The following MSI2 variants were observed in gnomAD, a reference collection of about 807,000 sequenced individuals.
MSI2 encodes RNA-binding protein Musashi homolog 2.
In MSI2, 17 loss-of-function variants were observed where a neutral mutation model predicts 45.6. That is an observed-to-expected ratio of 0.37 (90% CI 0.26 to 0.56). MSI2 has a LOEUF of 0.56. MSI2 is among the 20% of genes least tolerant of loss of function. The pLI, the probability that MSI2 is intolerant of heterozygous loss-of-function variation, is 0.77. For missense variants in MSI2, 293 were observed against 444.2 expected (o/e 0.66, Z 3.06); for synonymous variants, 156 against 158.2 (o/e 0.99, Z 0.11).
intron 8 of MSI2, among the ~76,000 whole-genome samples, chr17:57,610,313 G>A (rs1054761953): frequency 4.6e-5 from 7 of 152,112 alleles, no homozygotes; most frequent in African/African-American, 9.7e-5. Flanking sequence ...TTAGCAGGGC[G>A]TGGTGGCGTG....
chr17:57,273,643 A>G (rs1467657828), intron 5 of MSI2, among the ~76,000 whole-genome samples: 3 of 152,176 alleles, frequency 2.0e-5, no homozygotes, highest in Non-Finnish European at 4.4e-5. Context: ...TTGGCAGGCC[A>G]TCGCCTTAGC....
At chr17:57,465,017 G>A (rs1396281625) in intron 6 of MSI2, among the ~76,000 whole-genome samples, 14 of 152,146 alleles carry the variant, frequency 9.2e-5, no homozygotes, top group Non-Finnish European at 2.9e-5. Flanking sequence ...AAATGCCCTC[G>A]TGTTGGGCCA....
chr17:57,599,597 C>G (rs918807904), intron 8 of MSI2, among the ~76,000 whole-genome samples: 1 of 152,160 alleles, frequency 6.6e-6, no homozygotes, highest in African/African-American at 2.4e-5. Flanking sequence ...TTGTGTTTGC[C>G]TTTGAATCTG....
chr17:57,582,764 T>C (rs2088238330), intron 7 of MSI2, among the ~76,000 whole-genome samples: 1 of 152,250 alleles, frequency 6.6e-6, no homozygotes, highest in African/African-American at 2.4e-5. Context: ...TAATCAAGTG[T>C]TGCATTTTTA....
chr17:57,625,287 T>G (rs1031085626), intron 9 of MSI2, among the ~76,000 whole-genome samples: 25 of 152,222 alleles, frequency 1.6e-4, no homozygotes, highest in African/African-American at 5.8e-4. Context: ...CCCGTGAGTT[T>G]CTGCTCTAGG....
the MSI2 span, among the ~76,000 whole-genome samples, chr17:57,697,845 A>C: frequency 1.3e-5 from 2 of 152,174 alleles, no homozygotes; most frequent in South Asian, 4.1e-4. Flanking sequence ...TCCCTCCAAC[A>C]ACACGTGGGA....
chr17:57,445,703 G>A (rs890746529), intron 6 of MSI2, among the ~76,000 whole-genome samples: 4 of 152,064 alleles, frequency 2.6e-5, no homozygotes, highest in African/African-American at 7.2e-5. Context: ...GTTTAAGGAG[G>A]GGGCAGCATA....
chr17:57,577,801 T>C (rs1232110853), intron 7 of MSI2, among the ~76,000 whole-genome samples: 1 of 152,188 alleles, frequency 6.6e-6, no homozygotes, highest in Non-Finnish European at 1.5e-5. Context: ...TTGGCCTCCT[T>C]TGTAGGTGGC....
chr17:57,441,028 C>G (rs1220573522), intron 6 of MSI2, among the ~76,000 whole-genome samples: 1 of 152,208 alleles, frequency 6.6e-6, no homozygotes, highest in African/African-American at 2.4e-5. Flanking sequence ...TCTCCCAGGG[C>G]TGCAGGGACC....
downstream of MSI2, among the ~76,000 whole-genome samples, chr17:57,685,107 G>T (rs1413448771): frequency 6.6e-6 from 1 of 152,056 alleles, no homozygotes; most frequent in Non-Finnish European, 1.5e-5. Flanking sequence ...CCTGAGTAGG[G>T]GTCTGAATAG....
At chr17:57,432,239 G>T (rs535032940) in intron 6 of MSI2, among the ~76,000 whole-genome samples, 14 of 152,296 alleles carry the variant, frequency 9.2e-5, no homozygotes, top group Admixed American at 9.2e-4. Context: ...TGACGTAGAG[G>T]GTGTGTGAGG....
intron 5 of MSI2, among the ~76,000 whole-genome samples, chr17:57,335,143 T>A (rs1436259112): frequency 2.0e-5 from 3 of 152,204 alleles, no homozygotes; most frequent in African/African-American, 7.2e-5. Context: ...GCTTTGTTGG[T>A]GTCTTCCCGA....
At chr17:57,368,882 A>G (rs143427834) in intron 5 of MSI2, among the ~76,000 whole-genome samples, 1 of 152,308 alleles carries the variant, frequency 6.6e-6, no homozygotes, top group African/African-American at 2.4e-5. Context: ...TTTACCAGAG[A>G]GACAAGGAAG....
At chr17:57,530,012 C>T (rs1340547233) in intron 7 of MSI2, among the ~76,000 whole-genome samples, 3 of 152,192 alleles carry the variant, frequency 2.0e-5, no homozygotes, top group Non-Finnish European at 4.4e-5. Context: ...CTTTCTGGGT[C>T]CCTTGCTAAC....
chr17:57,554,683 C>T (rs1194313643), intron 7 of MSI2, among the ~76,000 whole-genome samples: 1 of 152,234 alleles, frequency 6.6e-6, no homozygotes, highest in Admixed American at 6.5e-5. Context: ...TCTCATTTCA[C>T]CTTCAGGCTG....
intron 9 of MSI2, among the ~76,000 whole-genome samples, chr17:57,617,641 A>AC (rs5821194): frequency 0.41 from 62,498 of 151,968 alleles, 13,397 homozygotes; most frequent in Non-Finnish European, 0.47. Flanking sequence ...GGTGAAATCA[A>AC]CCTGAAAGAA....
At chr17:57,340,202 C>T (rs193040365) in intron 5 of MSI2, among the ~76,000 whole-genome samples, 195 of 152,330 alleles carry the variant, frequency 1.3e-3, no homozygotes, top group African/African-American at 4.5e-3. Flanking sequence ...TTCAAAGAGG[C>T]TCAGATCCAT....
chr17:57,495,548 A>AAAAAAAAAG (rs1555613511), intron 6 of MSI2, among the ~76,000 whole-genome samples: 2 of 145,298 alleles, frequency 1.4e-5, no homozygotes, highest in Non-Finnish European at 1.5e-5. Context: ...AAAAAAAAAA[A>AAAAAAAAAG]AAAAGAAAGC....
At chr17:57,381,781 G>T (rs2083602305) in intron 5 of MSI2, among the ~76,000 whole-genome samples, 1 of 152,200 alleles carries the variant, frequency 6.6e-6, no homozygotes, top group South Asian at 2.1e-4. Flanking sequence ...GCTTATCTTT[G>T]TATTTTCAGA....
Sources: gnomAD v4.1 joint callset for allele counts (sites outside exome capture counted in the v4.1 genomes callset) on GRCh38, gnomAD v4.1.1 for gene constraint, MANE v1.5 for transcripts, NCBI Gene and HGNC (gene_info 2026-07-23, HGNC 2026-07-21) for gene names.